Variants in CNTN5 observed in about 807,000 individuals in gnomAD.
CNTN5 encodes contactin 5, also known as contactin-5.
A neutral mutation model predicts 129.1 loss-of-function variants in CNTN5; 77 were observed. The ratio of observed to expected loss-of-function variants is 0.60; its 90% CI spans 0.50 to 0.72. The LOEUF (loss-of-function observed/expected upper bound fraction) is 0.72, where lower values mean the gene tolerates loss of function less well. Among genes scored for constraint, CNTN5 ranks in the 30% least tolerant of loss-of-function variants. The probability of loss-of-function intolerance (pLI) is 0.00; values close to 1 mark genes in which losing one functional copy is unlikely to be tolerated. For synonymous variants in CNTN5, 509 were observed against 465.6 expected (o/e 1.09, Z -1.20); for missense variants, 1,478 against 1,328.8 (o/e 1.11, Z -1.75).
intron 2 of CNTN5, among the ~76,000 whole-genome samples, chr11:99,511,513 T>C (rs1224989851): frequency 1.3e-5 from 2 of 152,024 alleles, no homozygotes; most frequent in African/African-American, 2.4e-5. Flanking sequence ...AAAGAATGTA[T>C]ATTCTGTTGA....
chr11:100,121,455 A>G (rs1391364397), intron 13 of CNTN5, among the ~76,000 whole-genome samples: 1 of 151,522 alleles, frequency 6.6e-6, no homozygotes, highest in South Asian at 2.1e-4. Flanking sequence ...AGATAAGGGA[A>G]CTTCAGCCTG....
intron 2 of CNTN5, among the ~76,000 whole-genome samples, chr11:99,538,488 T>A (rs542377231): frequency 1.3e-5 from 2 of 152,302 alleles, no homozygotes; most frequent in Non-Finnish European, 2.9e-5. Flanking sequence ...GCGTTATTTT[T>A]ACTGCCGGTT....
intron 16 of CNTN5, among the ~76,000 whole-genome samples, chr11:100,255,516 T>G (rs934809044): frequency 4.6e-5 from 7 of 152,218 alleles, no homozygotes; most frequent in Admixed American, 6.5e-5. Flanking sequence ...TAAAATATAA[T>G]GCTAATTGGT....
intron 21 of CNTN5, among the ~76,000 whole-genome samples, chr11:100,323,253 G>A (rs1486742753): frequency 6.6e-6 from 1 of 152,224 alleles, no homozygotes; most frequent in Non-Finnish European, 1.5e-5. Flanking sequence ...GGATTTAACA[G>A]GCTTTATACT....
chr11:99,286,715 T>G (rs2135906718), intron 1 of CNTN5, among the ~76,000 whole-genome samples: 1 of 152,144 alleles, frequency 6.6e-6, no homozygotes, highest in Non-Finnish European at 1.5e-5. Context: ...TCCATAAAAA[T>G]AAAAATTGTT....
At chr11:99,511,659 T>A (rs1290026033) in intron 2 of CNTN5, among the ~76,000 whole-genome samples, 1 of 151,912 alleles carries the variant, frequency 6.6e-6, no homozygotes, top group Non-Finnish European at 1.5e-5. Context: ...AGTCTCCCAT[T>A]ATTATTGTGT....
At chr11:99,645,491 T>C (rs34593817) in intron 3 of CNTN5, among the ~76,000 whole-genome samples, 90,327 of 150,744 alleles carry the variant, frequency 0.6, 27,858 homozygotes, top group Admixed American at 0.69. Context: ...TATAAAGACA[T>C]ATGTACACGT....
At chr11:99,478,125 T>C (rs1283058405) in intron 2 of CNTN5, among the ~76,000 whole-genome samples, 2 of 152,130 alleles carry the variant, frequency 1.3e-5, no homozygotes, top group Non-Finnish European at 1.5e-5. Flanking sequence ...AAACAATGCA[T>C]ATTTATTATC....
intron 2 of CNTN5, among the ~76,000 whole-genome samples, chr11:99,508,454 A>G (rs1946706794): frequency 6.6e-6 from 1 of 152,094 alleles, no homozygotes; most frequent in African/African-American, 2.4e-5. Context: ...GACTGAGTAC[A>G]CCGATGCAGA....
intron 3 of CNTN5, among the ~76,000 whole-genome samples, chr11:99,611,469 G>A (rs1277064404): frequency 6.6e-6 from 1 of 152,130 alleles, no homozygotes; most frequent in East Asian, 1.9e-4. Flanking sequence ...TTATCTGGCG[G>A]CTTAGAAAAG....
chr11:99,652,432 C>A (rs1591426607), intron 3 of CNTN5, among the ~76,000 whole-genome samples: 2 of 152,012 alleles, frequency 1.3e-5, no homozygotes, highest in Admixed American at 6.6e-5. Context: ...AGTGACTGTT[C>A]TATATGATTC....
intron 15 of CNTN5, among the ~76,000 whole-genome samples, chr11:100,198,384 G>A (rs1465402006): frequency 6.7e-6 from 1 of 150,336 alleles, no homozygotes; most frequent in Non-Finnish European, 1.5e-5. Context: ...ACTGAGCTAA[G>A]ATAGATGGAT....
At chr11:99,718,905 T>G (rs1362070198) in intron 3 of CNTN5, among the ~76,000 whole-genome samples, 1 of 152,140 alleles carries the variant, frequency 6.6e-6, no homozygotes, top group Non-Finnish European at 1.5e-5. Context: ...TTCAATGTAT[T>G]TATTATTTGA....
intron 1 of CNTN5, among the ~76,000 whole-genome samples, chr11:99,055,686 A>G (rs979761121): frequency 3.3e-5 from 5 of 151,850 alleles, no homozygotes; most frequent in African/African-American, 1.2e-4. Flanking sequence ...TACCAATCAT[A>G]TTCATAATCA....
At chr11:99,775,362 A>G (rs990152724) in intron 3 of CNTN5, among the ~76,000 whole-genome samples, 1 of 152,002 alleles carries the variant, frequency 6.6e-6, no homozygotes, top group African/African-American at 2.4e-5. Context: ...CTGGGGATAA[A>G]TGGTTGGACT....
chr11:99,908,204 T>C (rs1949561485), intron 6 of CNTN5, among the ~76,000 whole-genome samples: 1 of 151,886 alleles, frequency 6.6e-6, no homozygotes, highest in Non-Finnish European at 1.5e-5. Context: ...GGGAATAAAA[T>C]GAAGGGAGAA....
chr11:99,246,748 C>T (rs1419103944), intron 1 of CNTN5, among the ~76,000 whole-genome samples: 1 of 152,078 alleles, frequency 6.6e-6, no homozygotes, highest in African/African-American at 2.4e-5. Flanking sequence ...TGATTCGTCT[C>T]TGACCATAAA....
At chr11:100,100,734 TTTCCATA>T (rs1346632092) in intron 13 of CNTN5, among the ~76,000 whole-genome samples, 1 of 152,138 alleles carries the variant, frequency 6.6e-6, no homozygotes, top group Non-Finnish European at 1.5e-5. Context: ...TGTCATAGCT[TTTCCATA>T]TTCAGAACAG....
Position 100,234,866 on chromosome 11 carries a change from GA to G in CNTN5, c.2005+10055del, listed in dbSNP as rs1949576839. Among the ~76,000 whole-genome samples, 4 of 148,394 alleles carry G rather than the reference GA, an allele frequency of 2.7e-5. No individual in the cohort carries two copies. The South Asian group carries it at 8.6e-4, about 32-fold the overall frequency. ...AATGCCACCAGGAAAACTGAGCACC[GA>G]TAGACTTCTTTCTGCATAATCTCTT... On this transcript the variant is annotated intron_variant, in intron 16 of 24. Coordinates refer to ENST00000524871, the MANE Select transcript of CNTN5 (RefSeq NM_014361.4).
Sources: gnomAD v4.1 joint callset for allele counts (sites outside exome capture counted in the v4.1 genomes callset) on GRCh38, gnomAD v4.1.1 for gene constraint, MANE v1.5 for transcripts, NCBI Gene and HGNC (gene_info 2026-07-23, HGNC 2026-07-21) for gene names.